The following UBAP2L variants were observed in gnomAD, a reference collection of about 807,000 sequenced individuals.
The protein encoded by UBAP2L is ubiquitin associated protein 2 like.
Under a neutral mutation model 130.6 loss-of-function variants are expected in UBAP2L, and 12 were observed. The observed-to-expected ratio is 0.09, with a 90% CI of 0.06 to 0.15. The LOEUF is 0.15. UBAP2L is among the 10% of genes least tolerant of loss of function. The pLI is 1.00. For synonymous variants in UBAP2L, 503 were observed against 524.7 expected (o/e 0.96, Z 0.57); for missense variants, 965 against 1,332.5 (o/e 0.72, Z 4.29).
intron 24 of UBAP2L, among the ~76,000 whole-genome samples, chr1:154,262,908 G>GT (rs1179109120): frequency 1.3e-5 from 2 of 152,038 alleles, no homozygotes; most frequent in African/African-American, 2.4e-5. Flanking sequence ...GTTGGACCAG[G>GT]TTCACGAATT....
In UBAP2L at chr1:154,253,964, C is replaced by G. The variant is rs1678771565; in HGVS notation, c.1729C>G (p.Gln577Glu). Reference protein sequence around the residue: ...QESGYQSGPIQSTTYTSQNNA... With the variant: ...QESGYQSGPIESTTYTSQNNA... ...GTCTGGTTATCAGAGCGGCCCAATT[C>G]AGTCGACAACCTATACCTCCCAAAA... The change falls in exon 15 of 27, where the codon CAG becomes GAG. Residue 577 changes from glutamine (Q) to glutamate (E), a missense_variant. Physicochemically the swap from Gln to Glu is conservative, Grantham distance 29 (BLOSUM62 2). Transcript: ENST00000428931. 6.2e-7 allele frequency: 1 copy of G among 1,613,992 alleles called. No individual in the cohort carries two copies. The highest frequency in any genetic ancestry group is 2.2e-5 in the East Asian group (1 of 44,890).
chr1:154,254,815 TG>T lies in UBAP2L; in HGVS notation c.1855-20del. 1.3e-6 allele frequency: 2 copies of T among 1,531,990 alleles called. No homozygotes were observed. 94.9% of individuals were successfully genotyped at this position (1,531,990 alleles called of 1,614,324 possible). A position where few individuals can be genotyped will look rare whatever the true frequency, so the allele number is the denominator to read the frequency against. Reference sequence around the variant, plus strand: ...TGAGTTTGTCTGTTTCTTGCTCTTCTGTTTTTTTTTTTTTTACCAGAATGGC... The same window carrying T: ...TGAGTTTGTCTGTTTCTTGCTCTTCTTTTTTTTTTTTTTTACCAGAATGGC... On this transcript the variant is annotated intron_variant, in intron 15 of 26. Transcript: ENST00000428931.
At position 154,259,847 on chromosome 1, in the gene UBAP2L, C is replaced by T. The variant is rs569410210; in HGVS notation, c.2497-101C>T. The T allele has an allele frequency of 7.7e-5, 96 of 1,253,696 alleles. No individual in the cohort carries two copies. The East Asian group carries it at 1.6e-3, about 22-fold the overall frequency. 77.7% of individuals were successfully genotyped at this position (1,253,696 alleles called of 1,614,324 possible). ...GCTTAATTAGTGACTGGATAAATTG[C>T]ACAACTCTCACATTCTTCTGTTTTT... On this transcript the variant is annotated intron_variant, in intron 21 of 26. Transcript: ENST00000428931.
Position 154,251,184 on chromosome 1 carries a change from T to C in UBAP2L, c.1357T>C (p.Ser453Pro). 6.2e-7 allele frequency: 1 copy of C among 1,614,140 alleles called. No individual in the cohort carries two copies. Residue 453 changes from serine to proline, a missense_variant, in exon 13 of 27, where the codon TCT (serine) becomes CCT (proline). Physicochemically the swap from Ser to Pro is moderately conservative, Grantham distance 74 (BLOSUM62 -1). Coordinates refer to ENST00000428931, the MANE Select transcript of UBAP2L (RefSeq NM_014847.4). Reference sequence around the variant, plus strand: ...CTCCACAGCTGCACCTCCACCTCCGTCTTCTCCTCTGCCAAGCAAATCCAC... The same window carrying C: ...CTCCACAGCTGCACCTCCACCTCCGCCTTCTCCTCTGCCAAGCAAATCCAC... ...ATSTAAPPPP[S>P]SPLPSKSTSA...
chr1:154,240,043 A>G (rs1390087284), intron 8 of UBAP2L, among the ~76,000 whole-genome samples: 2 of 152,234 alleles, frequency 1.3e-5, no homozygotes, highest in Non-Finnish European at 2.9e-5. Flanking sequence ...TGGGCTTTGT[A>G]TTAGAATACT....
chr1:154,261,488 C>T, intron 23 of UBAP2L, 104 bp from the exon 24 acceptor site: 2 of 1,080,032 alleles, frequency 1.9e-6, no homozygotes, highest in South Asian at 1.3e-5. Context: ...CAACTTGCAT[C>T]AGGATAGGTA....
intron 20 of UBAP2L, 169 bp from the exon 21 acceptor site, chr1:154,258,808 C>G (rs1379280901): frequency 1.8e-6 from 1 of 564,812 alleles, no homozygotes; most frequent in Non-Finnish European, 3.2e-6. Flanking sequence ...CATTTAATCT[C>G]TGTGTACTTT....
chr1:154,226,241 T>C (rs1305429266), intron 2 of UBAP2L, among the ~76,000 whole-genome samples: 1 of 152,228 alleles, frequency 6.6e-6, no homozygotes, highest in African/African-American at 2.4e-5. Flanking sequence ...TCCTTTCCCA[T>C]GAGGAGCTGG....
At chr1:154,220,940 G>A (rs902009622), upstream of UBAP2L, 13 of 180,288 alleles carry the variant, frequency 7.2e-5, no homozygotes, top group Non-Finnish European at 1.5e-4. Context: ...TGACAGGGGC[G>A]GCGCGGCCCG....
At chr1:154,245,901 CG>C (rs1426534200) in intron 10 of UBAP2L, among the ~76,000 whole-genome samples, 4 of 151,240 alleles carry the variant, frequency 2.6e-5, no homozygotes, top group Non-Finnish European at 5.9e-5. Flanking sequence ...GGTGACAGAG[CG>C]AGACTTTCTC....
At position 154,234,580 on chromosome 1, in the gene UBAP2L, C is replaced by T. The variant is rs759182413; in HGVS notation, c.280-11C>T. On this transcript the variant is annotated splice_polypyrimidine_tract_variant and intron_variant, in intron 4 of 26. Transcript: ENST00000428931. ...ATATTGATTAGATATGAATGCTCTACCCTTCTATAGCATTCCTGGGAGATG... is the reference window on the plus strand; with the variant it reads ...ATATTGATTAGATATGAATGCTCTATCCTTCTATAGCATTCCTGGGAGATG... 1.2e-6 allele frequency: 2 copies of T among 1,613,388 alleles called. No individual in the cohort carries two copies. Among genetic ancestry groups the T allele is most frequent in the Non-Finnish European group, 1.7e-6 (2 of 1,179,526 alleles).
At chr1:154,255,607 G>GT in intron 17 of UBAP2L, 76 bp from the exon 18 acceptor site, 1 of 1,511,590 alleles carries the variant, frequency 6.6e-7, no homozygotes, top group African/African-American at 1.4e-5. Context: ...TTATTTCCTT[G>GT]TTATGTTCTT....
Position 154,257,071 on chromosome 1 carries a change from T to C in UBAP2L, c.2166T>C (p.Ser722=). 6.2e-7 allele frequency: 1 copy of C among 1,613,482 alleles called. No homozygotes were observed. The highest frequency in any genetic ancestry group is 8.5e-7 in the Non-Finnish European group (1 of 1,179,992). ...RTSTSTLLHT[S]VESEANLHSS... is the part of the protein sequence containing the mutation. ...TGCTCCCCCTTTTGAAGCACACAAGTGTGGAGAGTGAGGCGAATCTCCATT... is the reference window on the plus strand; with the variant it reads ...TGCTCCCCCTTTTGAAGCACACAAGCGTGGAGAGTGAGGCGAATCTCCATT... The change falls in exon 19 of 27, where the codon AGT becomes AGC. Residue 722 remains serine, a synonymous_variant. Transcript: ENST00000428931.
chr1:154,263,404 C>T (rs1682245393), intron 24 of UBAP2L: 4 of 1,267,804 alleles, frequency 3.2e-6, no homozygotes, highest in Non-Finnish European at 4.0e-6. Context: ...AGCATCAATG[C>T]ACACACCTGC....
chr1:154,227,220 G>T, intron 2 of UBAP2L, 62 bp from the exon 3 acceptor site: 2 of 1,448,440 alleles, frequency 1.4e-6, no homozygotes, highest in Non-Finnish European at 1.9e-6. Flanking sequence ...GACGAAATAG[G>T]TTCCTGTTCT....
In UBAP2L at chr1:154,270,770, G is replaced by GGTT. The variant is rs1684586554; in HGVS notation, c.*475_*476insGTT. On this transcript the variant is annotated 3_prime_UTR_variant, in exon 27 of 27. Coordinates refer to ENST00000428931, the MANE Select transcript of UBAP2L (RefSeq NM_014847.4). ...AATTAGTTGAAGTGGTTTTTTTTTT[G>GGTT]TTTTTTTTTTTTTTTTGTACTGTGT... is the stretch of plus-strand genomic sequence containing the variant. The GGTT allele has an allele frequency of 5.4e-6, 5 of 923,008 alleles. No individual in the cohort carries two copies. Among genetic ancestry groups the GGTT allele is most frequent in the Non-Finnish European group, 6.5e-6 (5 of 769,998 alleles). The allele number at this position is 923,008 out of a possible 1,614,324, so 57.2% of individuals were successfully genotyped here. A position where few individuals can be genotyped will look rare whatever the true frequency, so the allele number is the denominator to read the frequency against.
At chr1:154,228,249 G>A (rs1242773484) in intron 3 of UBAP2L, among the ~76,000 whole-genome samples, 3 of 151,486 alleles carry the variant, frequency 2.0e-5, no homozygotes, top group East Asian at 1.9e-4. Context: ...GTGCAGTGGC[G>A]CAATCTCAGC....
intron 24 of UBAP2L, chr1:154,263,146 GA>G: frequency 6.4e-7 from 1 of 1,552,100 alleles, no homozygotes; most frequent in Non-Finnish European, 8.7e-7. Flanking sequence ...GGACGGCTGA[GA>G]GCTAATTTGG....
chr1:154,269,193 C>A, intron 26 of UBAP2L: 1 of 820,038 alleles, frequency 1.2e-6, no homozygotes, highest in Non-Finnish European at 1.9e-6. Context: ...TGGTGCCCTT[C>A]TCCTCCTGTG....
Sources: allele counts gnomAD v4.1 joint callset (sites outside exome capture counted in the v4.1 genomes callset), GRCh38; gene constraint gnomAD v4.1.1; transcripts MANE v1.5; gene names NCBI Gene and HGNC (gene_info 2026-07-23, HGNC 2026-07-21).